The following PTPRD variants were observed in gnomAD, a reference collection of about 807,000 sequenced individuals.
The protein encoded by PTPRD is protein tyrosine phosphatase receptor type D.
PTPRD carries 34 observed loss-of-function variants against 214.5 expected under a neutral mutation model. The observed-to-expected ratio is 0.16, with a 90% CI of 0.12 to 0.21. PTPRD has a LOEUF of 0.21. Among genes scored for constraint, PTPRD ranks in the 10% least tolerant of loss-of-function variants. The probability of loss-of-function intolerance (pLI) is 1.00; values close to 1 mark genes in which losing one functional copy is unlikely to be tolerated. For synonymous variants in PTPRD, 1,128 were observed against 845.7 expected, an observed-to-expected ratio of 1.33 and a Z score of -5.79; for missense variants, 2,545 against 2,398.7, an observed-to-expected ratio of 1.06 and a Z score of -1.27.
intron 12 of PTPRD, among the ~76,000 whole-genome samples, chr9:8,680,990 A>C (rs755944552): frequency 6.6e-6 from 1 of 152,182 alleles, no homozygotes; most frequent in Non-Finnish European, 1.5e-5. Context: ...ACATTTTCCT[A>C]TATTTCCTAG....
intron 11 of PTPRD, among the ~76,000 whole-genome samples, chr9:8,905,567 C>T (rs1167986694): frequency 6.6e-6 from 1 of 151,808 alleles, no homozygotes; most frequent in African/African-American, 2.4e-5. Flanking sequence ...GGTGAAACCC[C>T]TTCTCTACTA....
intron 11 of PTPRD, among the ~76,000 whole-genome samples, chr9:8,926,097 C>T (rs955446655): frequency 1.3e-5 from 2 of 151,972 alleles, no homozygotes; most frequent in Non-Finnish European, 2.9e-5. Flanking sequence ...CTAGTCATTC[C>T]CAAGCTTCTT....
chr9:8,812,828 T>G (rs1236489233), intron 11 of PTPRD, among the ~76,000 whole-genome samples: 1 of 151,784 alleles, frequency 6.6e-6, no homozygotes, highest in Non-Finnish European at 1.5e-5. Flanking sequence ...AAAGATCTAG[T>G]TGCCCACATC....
At chr9:9,830,976 G>T (rs543588057) in intron 5 of PTPRD, among the ~76,000 whole-genome samples, 3 of 151,842 alleles carry the variant, frequency 2.0e-5, no homozygotes, top group African/African-American at 7.2e-5. Flanking sequence ...TTAGCTGACT[G>T]CATTAGGATT....
chr9:10,284,044 C>T (rs1224422106), intron 3 of PTPRD, among the ~76,000 whole-genome samples: 1 of 152,080 alleles, frequency 6.6e-6, no homozygotes. Flanking sequence ...ATAATTTAGA[C>T]TAGATGCACT....
At chr9:9,660,616 C>T (rs1298721414) in intron 7 of PTPRD, among the ~76,000 whole-genome samples, 1 of 151,862 alleles carries the variant, frequency 6.6e-6, no homozygotes, top group East Asian at 1.9e-4. Flanking sequence ...ATTAAGTAGG[C>T]ATTTTTGAAA....
intron 3 of PTPRD, among the ~76,000 whole-genome samples, chr9:10,051,358 A>T (rs887583491): frequency 7.2e-5 from 11 of 152,114 alleles, no homozygotes; most frequent in African/African-American, 2.2e-4. Context: ...TGCAGCTAGC[A>T]CATTTTAATT....
chr9:8,370,205 TATACACACAC>T (rs1304123388), intron 39 of PTPRD, among the ~76,000 whole-genome samples: 6 of 63,374 alleles, frequency 9.5e-5, no homozygotes, highest in African/African-American at 1.3e-4. Flanking sequence ...CACATATATA[TATACACACAC>T]ACACACACAC....
chr9:8,821,784 C>A (rs960588405), intron 11 of PTPRD, among the ~76,000 whole-genome samples: 1 of 152,186 alleles, frequency 6.6e-6, no homozygotes, highest in Admixed American at 6.5e-5. Flanking sequence ...TCTGCCTCAG[C>A]CTCCCGAGTA....
rs751740570 is a variant in PTPRD at position 8,376,016 on chromosome 9, G to T, written c.4581C>A (p.His1527Gln). The change falls in exon 39 of 46, where the codon CAC becomes CAA. Residue 1527 changes from histidine (H) to glutamine (Q), a missense_variant. By Grantham distance (24) the His-to-Gln change is conservative. Coordinates refer to ENST00000381196, the MANE Select transcript of PTPRD (RefSeq NM_002839.4). ...GTAAGAAAGCTAGAAAAGGTGTAGG[G>T]TGTTCTGGAACACCATGATCAGGCC... ...TAWPDHGVPE[H>Q]PTPFLAFLRR... 12 of 1,612,888 alleles carry T rather than the reference G, an allele frequency of 7.4e-6. No individual in the cohort carries two copies. In the Admixed American group the frequency reaches 2.0e-4, roughly 27 times the overall value.
At chr9:8,958,860 G>A (rs1199552241) in intron 11 of PTPRD, 1 of 151,914 alleles carries the variant, frequency 6.6e-6, no homozygotes, top group Admixed American at 6.6e-5. Flanking sequence ...TAAGATAATA[G>A]AGAACAGCCA....
intron 9 of PTPRD, among the ~76,000 whole-genome samples, chr9:9,212,677 T>A (rs2132919852): frequency 6.6e-6 from 1 of 152,312 alleles, no homozygotes; most frequent in South Asian, 2.1e-4. Flanking sequence ...GCCAAGGCCA[T>A]TCACAGATTT....
intron 11 of PTPRD, among the ~76,000 whole-genome samples, chr9:8,787,249 G>T (rs902553601): frequency 6.6e-6 from 1 of 152,146 alleles, no homozygotes; most frequent in Non-Finnish European, 1.5e-5. Context: ...GATTTTTCTA[G>T]CAACACTTTC....
At chr9:10,032,556 T>C (rs1328388434) in intron 4 of PTPRD, among the ~76,000 whole-genome samples, 5 of 152,182 alleles carry the variant, frequency 3.3e-5, no homozygotes, top group South Asian at 2.1e-4. Flanking sequence ...ACTCCTGATA[T>C]AGTGAATTTT....
intron 3 of PTPRD, among the ~76,000 whole-genome samples, chr9:10,311,404 A>T (rs921705676): frequency 6.6e-6 from 1 of 152,076 alleles, no homozygotes. Context: ...CTAAGACATA[A>T]GTATTAGTTT....
chr9:9,298,138 AGAAAAGGAAGAAAGTTTGAACTTAGGCAG>A, intron 9 of PTPRD, among the ~76,000 whole-genome samples: 1 of 151,724 alleles, frequency 6.6e-6, no homozygotes, highest in African/African-American at 2.4e-5. Flanking sequence ...GAGTGAAGTC[AGAAAAGGAAGAAAGTTTGAACTTAGGCAG>A]TTGATAAATT....
chr9:10,512,107 C>A (rs1431133316), intron 2 of PTPRD, among the ~76,000 whole-genome samples: 1 of 147,848 alleles, frequency 6.8e-6, no homozygotes, highest in Non-Finnish European at 1.5e-5. Flanking sequence ...AGAAAAACCA[C>A]CATTCAAGAG....
At chr9:10,577,263 T>C (rs2069724780) in intron 2 of PTPRD, among the ~76,000 whole-genome samples, 1 of 152,236 alleles carries the variant, frequency 6.6e-6, no homozygotes, top group Admixed American at 6.5e-5. Flanking sequence ...TATAAACTAA[T>C]GTGTCTTTTC....
At chr9:8,689,498 T>C (rs573765428) in intron 12 of PTPRD, among the ~76,000 whole-genome samples, 34 of 152,162 alleles carry the variant, frequency 2.2e-4, no homozygotes, top group Non-Finnish European at 4.3e-4. Context: ...AATGCACTTC[T>C]TACATGGTGG....
Sources: allele counts gnomAD v4.1 joint callset (sites outside exome capture counted in the v4.1 genomes callset), GRCh38; gene constraint gnomAD v4.1.1; transcripts MANE v1.5; gene names NCBI Gene and HGNC (gene_info 2026-07-23, HGNC 2026-07-21).